The following SYNE1 variants were observed in gnomAD, a reference collection of about 807,000 sequenced individuals.
SYNE1 encodes the protein nesprin-1.
A neutral mutation model predicts 1,111.0 loss-of-function variants in SYNE1; 616 were observed. The observed-to-expected ratio is 0.55, with a 90% CI of 0.52 to 0.59. SYNE1 has a LOEUF of 0.59. SYNE1 is among the 20% of genes least tolerant of loss of function. The pLI is 0.00. For missense variants in SYNE1, 10,006 were observed against 10,417.0 expected (o/e 0.96, Z 1.72); for synonymous variants, 3,855 against 3,825.8 (o/e 1.01, Z -0.28).
chr6:152,310,938 A>G, intron 87 of SYNE1, 65 bp from the exon 88 acceptor site: 4 of 1,533,944 alleles, frequency 2.6e-6, no homozygotes, highest in Non-Finnish European at 3.6e-6. Context: ...TATTCAATAT[A>G]GCTTGGCATA....
intron 12 of SYNE1, among the ~76,000 whole-genome samples, chr6:152,486,680 A>C (rs1157534295): frequency 6.6e-6 from 1 of 152,242 alleles, no homozygotes; most frequent in Admixed American, 6.5e-5. Flanking sequence ...TTTTGGGGAA[A>C]AAAGCTTACA....
At chr6:152,396,204 A>G (rs1429340514) in intron 50 of SYNE1, among the ~76,000 whole-genome samples, 1 of 152,224 alleles carries the variant, frequency 6.6e-6, no homozygotes, top group Non-Finnish European at 1.5e-5. Flanking sequence ...ATTTTCAAAT[A>G]TATCTCAAGA....
intron 34 of SYNE1, among the ~76,000 whole-genome samples, chr6:152,431,881 C>T (rs1056284392): frequency 6.6e-5 from 10 of 152,010 alleles, no homozygotes; most frequent in South Asian, 2.1e-4. Flanking sequence ...CTTTGTTTTG[C>T]TGTTTTTTAA....
intron 46 of SYNE1, chr6:152,402,424 T>C (rs1188047229): frequency 6.6e-6 from 1 of 152,232 alleles, no homozygotes; most frequent in Non-Finnish European, 1.5e-5. Flanking sequence ...TCTCTTCCTT[T>C]CTTTTCCTCT....
chr6:152,234,558 T>C, intron 111 of SYNE1, 110 bp downstream of exon 111: 1 of 1,293,256 alleles, frequency 7.7e-7, no homozygotes, highest in Non-Finnish European at 1.1e-6. Context: ...TCCCAAAGTG[T>C]GGGATTACAG....
At chr6:152,244,347 T>A (rs1282011121) in intron 106 of SYNE1, among the ~76,000 whole-genome samples, 190 bp downstream of exon 106, 2 of 152,180 alleles carry the variant, frequency 1.3e-5, no homozygotes, top group Non-Finnish European at 2.9e-5. Context: ...CTTAGCAGCA[T>A]GAAAACAACT....
rs192374524 is a variant in SYNE1, at chr6:152,550,267, T to A, written c.68-10246A>T. Among the ~76,000 whole-genome samples the A allele has an allele frequency of 2.1e-5, 3 of 143,518 alleles. No individual in the cohort carries two copies. In the East Asian group the frequency reaches 6.5e-4, roughly 31 times the overall value. 94.2% of individuals were successfully genotyped at this position (143,518 alleles called of 152,430 possible). On this transcript the variant is annotated intron_variant, in intron 3 of 145. Coordinates refer to ENST00000367255, the MANE Select transcript of SYNE1 (RefSeq NM_182961.4). ...ATCTGGAAAGTTTGGTCTCATGTGG[T>A]GGGAAGGTATAAGTGGGAGAGGGTG...
At chr6:152,355,950 A>G (rs1434281588) in intron 66 of SYNE1, among the ~76,000 whole-genome samples, 1 of 152,238 alleles carries the variant, frequency 6.6e-6, no homozygotes, top group Admixed American at 6.5e-5. Context: ...GCACAGTATA[A>G]TGTAAAGACA....
intron 19 of SYNE1, 21 bp downstream of exon 19, chr6:152,463,332 A>G (rs750778885): frequency 6.2e-7 from 1 of 1,613,586 alleles, no homozygotes; most frequent in Non-Finnish European, 8.5e-7. Context: ...GTTGAGGTGT[A>G]TATAGACTTG....
At chr6:152,306,487 A>AAAAT (rs56931883) in intron 91 of SYNE1, among the ~76,000 whole-genome samples, 55,651 of 142,100 alleles carry the variant, frequency 0.39, 11,409 homozygotes, top group East Asian at 0.6. Flanking sequence ...CTCCATCTAA[A>AAAAT]AAATAAATAA....
At chr6:152,204,530 A>G (rs923980013) in intron 126 of SYNE1, among the ~76,000 whole-genome samples, 2 of 152,224 alleles carry the variant, frequency 1.3e-5, no homozygotes, top group African/African-American at 2.4e-5. Context: ...AAAGCTAAAT[A>G]TAGATAAGTA....
At chr6:152,214,513 C>T (rs1335170474) in intron 122 of SYNE1, among the ~76,000 whole-genome samples, 3 of 152,142 alleles carry the variant, frequency 2.0e-5, no homozygotes, top group Non-Finnish European at 4.4e-5. Flanking sequence ...GATGAAACTT[C>T]GTGGTGAATG....
chr6:152,234,706 C>T lies in SYNE1; in HGVS notation c.20491G>A (p.Glu6831Lys). 4 of 1,614,260 alleles carry T rather than the reference C, an allele frequency of 2.5e-6. No individual in the cohort carries two copies. Among genetic ancestry groups the T allele is most frequent in the South Asian group, 1.1e-5 (1 of 91,086 alleles). Residue 6831 changes from glutamate to lysine, a missense_variant, in exon 111 of 146, where the codon GAG (glutamate) becomes AAG (lysine). Physicochemically the swap from Glu to Lys is moderately conservative, Grantham distance 56. Transcript: ENST00000367255. ...AGATGATCACGGACCATTTCCAGCT[C>T]TTGTGGGACTGTCACAGATTGCTGA... ...WTQQSVTVPQELEMVRDHLNA... is the reference protein window; with the variant it reads ...WTQQSVTVPQKLEMVRDHLNA...
In SYNE1 at chr6:152,301,909, T is replaced by A. The variant is rs2153813002; in HGVS notation, c.17501A>T (p.Glu5834Val). Residue 5834 changes from glutamate to valine, a missense_variant, in exon 92 of 146, where the codon GAG becomes GTG. Glu to Val is a moderately radical substitution (Grantham distance 121). Transcript: ENST00000367255. ...GTGGGCCGAAGGCGTGGGGAGGAGC[T>A]CCCCATCCAGGTCCTCTGTCCCTTC... ...LAEGTEDLDG[E>V]LLPTPSAHPS... 11 of 1,613,932 alleles carry A rather than the reference T, an allele frequency of 6.8e-6. No individual in the cohort carries two copies. Among genetic ancestry groups the A allele is most frequent in the Non-Finnish European group, 9.3e-6 (11 of 1,179,926 alleles).
rs144666288 is a variant in SYNE1, at chr6:152,514,948, G to T, written c.310-3845C>A. On this transcript the variant is annotated intron_variant, in intron 6 of 145. Coordinates refer to ENST00000367255, the MANE Select transcript of SYNE1 (RefSeq NM_182961.4). Reference sequence around the variant, plus strand: ...TTTAAAAAAATATTTGAGACCAGGCGTGGTGGCTCACACCTGTAATCCCAG... The same window carrying T: ...TTTAAAAAAATATTTGAGACCAGGCTTGGTGGCTCACACCTGTAATCCCAG... Among the ~76,000 whole-genome samples, 21 of 152,288 alleles carry T rather than the reference G, an allele frequency of 1.4e-4. No homozygotes were observed. In the East Asian group the frequency reaches 3.9e-3, roughly 28 times the overall value.
intron 32 of SYNE1, among the ~76,000 whole-genome samples, chr6:152,439,590 G>C (rs1042617728): frequency 1.7e-4 from 26 of 152,142 alleles, no homozygotes; most frequent in Non-Finnish European, 2.6e-4. Flanking sequence ...ATATCGTATA[G>C]ACTTGAAAGA....
chr6:152,193,897 C>T (rs2073327938), intron 127 of SYNE1, among the ~76,000 whole-genome samples: 1 of 151,542 alleles, frequency 6.6e-6, no homozygotes, highest in Non-Finnish European at 1.5e-5. Flanking sequence ...CCTGTAGTCC[C>T]AGCTACTCAG....
At chr6:152,528,729 C>T (rs1004978438) in intron 4 of SYNE1, among the ~76,000 whole-genome samples, 13 of 152,048 alleles carry the variant, frequency 8.5e-5, no homozygotes, top group African/African-American at 1.4e-4. Flanking sequence ...TTAGTACATA[C>T]GATGCTTCTA....
chr6:152,328,966 G>A (rs2096169431), intron 78 of SYNE1, among the ~76,000 whole-genome samples: 1 of 152,176 alleles, frequency 6.6e-6, no homozygotes, highest in Non-Finnish European at 1.5e-5. Context: ...CAAGGTCAGG[G>A]CTGCATTGTC....
Sources: gnomAD v4.1 joint callset for allele counts (sites outside exome capture counted in the v4.1 genomes callset) on GRCh38, gnomAD v4.1.1 for gene constraint, MANE v1.5 for transcripts, NCBI Gene and HGNC (gene_info 2026-07-23, HGNC 2026-07-21) for gene names.